The following VEPH1 variants were observed in gnomAD, a reference collection of about 807,000 sequenced individuals.
The protein encoded by VEPH1 is ventricular zone-expressed PH domain-containing protein homolog 1.
In VEPH1, 80 loss-of-function variants were observed where a neutral mutation model predicts 85.2. That is an observed-to-expected ratio of 0.94 (90% CI 0.78 to 1.13). VEPH1 has a LOEUF of 1.13. VEPH1 is among the 50% of genes most tolerant of loss of function. The probability of loss-of-function intolerance (pLI) is 0.00; values close to 1 mark genes in which losing one functional copy is unlikely to be tolerated. For synonymous variants in VEPH1, 297 were observed against 348.0 expected, an observed-to-expected ratio of 0.85 and a Z score of 1.63; for missense variants, 955 against 980.5, an observed-to-expected ratio of 0.97 and a Z score of 0.35.
intron 9 of VEPH1, among the ~76,000 whole-genome samples, chr3:157,349,760 T>C (rs1422021952): frequency 3.9e-5 from 6 of 152,136 alleles, no homozygotes; most frequent in African/African-American, 1.4e-4. Context: ...AAGAAGGCAA[T>C]GCAATGTACA....
intron 11 of VEPH1, among the ~76,000 whole-genome samples, chr3:157,290,308 C>CA (rs1408140980): frequency 1.3e-5 from 2 of 152,128 alleles, no homozygotes; most frequent in Admixed American, 1.3e-4. Flanking sequence ...TTTGAACCTC[C>CA]AAATGAAAAC....
intron 5 of VEPH1, among the ~76,000 whole-genome samples, chr3:157,416,032 G>T (rs551686233): frequency 6.6e-6 from 1 of 152,240 alleles, no homozygotes; most frequent in African/African-American, 2.4e-5. Flanking sequence ...TTTCAGGCTG[G>T]ATTGAAAGCT....
chr3:157,332,049 C>T (rs1240139341), intron 9 of VEPH1, among the ~76,000 whole-genome samples: 1 of 152,166 alleles, frequency 6.6e-6, no homozygotes, highest in East Asian at 1.9e-4. Flanking sequence ...TCAAATAAAA[C>T]ATTTAAAATA....
At chr3:157,373,408 T>A (rs931947106) in intron 7 of VEPH1, among the ~76,000 whole-genome samples, 1 of 152,206 alleles carries the variant, frequency 6.6e-6, no homozygotes, top group South Asian at 2.1e-4. Flanking sequence ...AGCAACCCTT[T>A]GTATTAATTG....
At chr3:157,267,087 CTTTTTCTTTTTTTTCTTTTT>C (rs1048172845) in intron 12 of VEPH1, among the ~76,000 whole-genome samples, 21 of 137,954 alleles carry the variant, frequency 1.5e-4, no homozygotes, top group Non-Finnish European at 2.0e-4. Flanking sequence ...CTTTTCTTTT[CTTTTTCTTTTTTTTCTTTTT>C]TTTTTTTTTT....
chr3:157,442,758 C>G, intron 4 of VEPH1: 1 of 1,614,188 alleles, frequency 6.2e-7, no homozygotes, highest in Non-Finnish European at 8.5e-7. Flanking sequence ...AGGAATCCTG[C>G]AGATTGGCCA....
chr3:157,414,007 C>G lies in VEPH1; in HGVS notation c.780G>C (p.Glu260Asp). The change falls in exon 6 of 14, where the codon GAG becomes GAC. Residue 260 changes from glutamate to aspartate, a missense_variant. By Grantham distance (45) the Glu-to-Asp change is conservative. Coordinates refer to ENST00000362010, the MANE Select transcript of VEPH1 (RefSeq NM_001167912.2). ...AAGCCACTGGCTCATAGACTGCTAT[C>G]TCTATGAGGATGTTTAGGATGATGT... is the stretch of plus-strand genomic sequence containing the variant. ...HNDIILNILIEIAVYEPVALN... is the reference protein window; with the variant it reads ...HNDIILNILIDIAVYEPVALN... 6.2e-7 allele frequency: 1 copy of G among 1,613,068 alleles called. No homozygotes were observed. The highest frequency in any genetic ancestry group is 8.5e-7 in the Non-Finnish European group (1 of 1,179,262).
At chr3:157,498,558 T>C (rs890750145) in intron 1 of VEPH1, among the ~76,000 whole-genome samples, 1 of 152,210 alleles carries the variant, frequency 6.6e-6, no homozygotes, top group African/African-American at 2.4e-5. Context: ...AAGTCAGGAT[T>C]GAAGGCAGCT....
intron 12 of VEPH1, among the ~76,000 whole-genome samples, chr3:157,272,243 T>TCCTG (rs1714662534): frequency 1.4e-4 from 1 of 7,276 alleles, no homozygotes; most frequent in Admixed American, 2.1e-3. Context: ...CTTTTCTTCT[T>TCCTG]CCTTCCTTCC....
intron 4 of VEPH1, among the ~76,000 whole-genome samples, chr3:157,450,731 T>C (rs995456163): frequency 6.6e-6 from 1 of 152,142 alleles, no homozygotes; most frequent in Non-Finnish European, 1.5e-5. Context: ...AATCACATGA[T>C]GTTTTTCCTC....
intron 11 of VEPH1, among the ~76,000 whole-genome samples, chr3:157,311,040 T>A (rs926518890): frequency 5.9e-5 from 9 of 152,220 alleles, no homozygotes; most frequent in African/African-American, 2.2e-4. Flanking sequence ...AATGATAGAA[T>A]TTTTAAACTT....
At chr3:157,298,489 T>C (rs1157986321) in intron 11 of VEPH1, among the ~76,000 whole-genome samples, 1 of 152,180 alleles carries the variant, frequency 6.6e-6, no homozygotes, top group East Asian at 1.9e-4. Flanking sequence ...CCTAAGAATT[T>C]GCATTTTTAA....
intron 7 of VEPH1, among the ~76,000 whole-genome samples, chr3:157,379,138 T>C (rs917018025): frequency 2.0e-5 from 3 of 152,218 alleles, no homozygotes; most frequent in Non-Finnish European, 4.4e-5. Flanking sequence ...TTTCCAAGCC[T>C]CCATGTTGCT....
At chr3:157,321,388 A>AT (rs901489660) in intron 9 of VEPH1, among the ~76,000 whole-genome samples, 7 of 152,206 alleles carry the variant, frequency 4.6e-5, no homozygotes, top group African/African-American at 1.7e-4. Context: ...CAGAGAAGCC[A>AT]TTTTGAGAGA....
intron 6 of VEPH1, among the ~76,000 whole-genome samples, chr3:157,382,309 G>T (rs1292390743): frequency 6.6e-6 from 1 of 152,162 alleles, no homozygotes; most frequent in Non-Finnish European, 1.5e-5. Flanking sequence ...GTAGGCATGA[G>T]CAAATAAGAA....
At chr3:157,347,770 A>AGTGG (rs1205605412) in intron 9 of VEPH1, among the ~76,000 whole-genome samples, 2 of 152,178 alleles carry the variant, frequency 1.3e-5, no homozygotes, top group African/African-American at 4.8e-5. Context: ...TGCCACCAAA[A>AGTGG]CACCTACAGT....
chr3:157,368,667 A>C (rs998100090), intron 7 of VEPH1, among the ~76,000 whole-genome samples: 5 of 151,086 alleles, frequency 3.3e-5, no homozygotes, highest in African/African-American at 1.2e-4. Flanking sequence ...AATTTTTTGT[A>C]TTTTTCGTAG....
At chr3:157,468,466 T>G (rs1736595645) in intron 3 of VEPH1, among the ~76,000 whole-genome samples, 1 of 152,146 alleles carries the variant, frequency 6.6e-6, no homozygotes, top group Non-Finnish European at 1.5e-5. Flanking sequence ...TCTCAGCTAC[T>G]CAGGAGGCTG....
chr3:157,369,192 A>AAAAAAAAAAAAAACAAAAAAC (rs1553773117), intron 7 of VEPH1, among the ~76,000 whole-genome samples: 2 of 142,702 alleles, frequency 1.4e-5, no homozygotes, highest in Non-Finnish European at 3.1e-5. Context: ...AAAAAAAAAA[A>AAAAAAAAAAAAAACAAAAAAC]AAAAAAAAAA....
Sources: allele counts gnomAD v4.1 joint callset (sites outside exome capture counted in the v4.1 genomes callset), GRCh38; gene constraint gnomAD v4.1.1; transcripts MANE v1.5; gene names NCBI Gene and HGNC (gene_info 2026-07-23, HGNC 2026-07-21).